The following IGFL2 variants were observed in gnomAD, a reference collection of about 807,000 sequenced individuals.
IGFL2 encodes the protein IGF like family member 2, also known as insulin growth factor-like family member 2.
Under a neutral mutation model 13.9 loss-of-function variants are expected in IGFL2, and 7 were observed. That is an observed-to-expected ratio of 0.51 (90% CI 0.29 to 0.95). The LOEUF (loss-of-function observed/expected upper bound fraction) is 0.95. IGFL2 is among the 40% of genes least tolerant of loss of function. The pLI is 0.08. For synonymous variants in IGFL2, 55 were observed against 55.8 expected (o/e 0.99, Z 0.07); for missense variants, 138 against 147.8 (o/e 0.93, Z 0.34).
the IGFL2 span, chr19:46,190,210 G>A: frequency 0.014 from 2,131 of 152,258 alleles, 54 homozygotes; most frequent in African/African-American, 0.047. Flanking sequence ...GACCTTGATG[G>A]GGGGGTTGCT....
the IGFL2 span, among the ~76,000 whole-genome samples, chr19:46,122,571 A>G: frequency 6.6e-6 from 1 of 150,986 alleles, no homozygotes; most frequent in Non-Finnish European, 1.5e-5. Flanking sequence ...TTTTTTGGTA[A>G]AGTTTACTGC....
In IGFL2 at chr19:46,148,688, C is replaced by G. The variant is rs973422152; in HGVS notation, c.19+391C>G. On this transcript the variant is annotated intron_variant, in intron 1 of 3. Transcript: ENST00000377693. Reference sequence around the variant, plus strand: ...ATCTTTATTTTTGAACTCCTGGGCTCAGACTCAGAAGGGACCATAGGTGAG... The same window carrying G: ...ATCTTTATTTTTGAACTCCTGGGCTGAGACTCAGAAGGGACCATAGGTGAG... 1.2e-4 allele frequency: 68 copies of G among 579,150 alleles called. 1 individual carries two copies. In the South Asian group the frequency reaches 1.5e-3, roughly 13 times the overall value. 35.9% of individuals were successfully genotyped at this position (579,150 alleles called of 1,614,324 possible). A position where few individuals can be genotyped will look rare whatever the true frequency, so the allele number is the denominator to read the frequency against.
chr19:46,097,261 G>T, the IGFL2 span, among the ~76,000 whole-genome samples: 4 of 152,180 alleles, frequency 2.6e-5, no homozygotes, highest in Admixed American at 6.5e-5. Flanking sequence ...TATGTGTCCA[G>T]AAATTTGTCC....
chr19:46,121,297 A>G, the IGFL2 span, among the ~76,000 whole-genome samples: 1 of 149,662 alleles, frequency 6.7e-6, no homozygotes, highest in East Asian at 2.0e-4. Flanking sequence ...CCGAGGTAGG[A>G]CGATCACTTG....
At chr19:46,187,940 G>A in the IGFL2 span, among the ~76,000 whole-genome samples, 3 of 150,296 alleles carry the variant, frequency 2.0e-5, 1 homozygote, top group Non-Finnish European at 4.5e-5. Context: ...ACCTGAGATC[G>A]TGTTGCTGGT....
upstream of IGFL2, among the ~76,000 whole-genome samples, chr19:46,142,840 A>T (rs1318371915): frequency 6.6e-6 from 1 of 152,212 alleles, no homozygotes; most frequent in Non-Finnish European, 1.5e-5. Flanking sequence ...CATGCACATT[A>T]TAACAGCTTT....
the IGFL2 span, among the ~76,000 whole-genome samples, chr19:46,193,813 G>A: frequency 2.0e-5 from 3 of 152,122 alleles, no homozygotes; most frequent in Admixed American, 6.5e-5. Context: ...AGCAGACACC[G>A]CTCTCGGGTC....
At chr19:46,164,238 CAG>C (rs1200630468), downstream of IGFL2, 6 of 150,434 alleles carry the variant, frequency 4.0e-5, no homozygotes, top group Non-Finnish European at 5.9e-5. Context: ...AGAACACAAA[CAG>C]GGGTGACTGT....
the IGFL2 span, among the ~76,000 whole-genome samples, chr19:46,089,630 G>A: frequency 9.9e-4 from 150 of 150,906 alleles, no homozygotes; most frequent in African/African-American, 3.5e-3. Flanking sequence ...ATCCTTTTAG[G>A]GTATAGTATT....
the IGFL2 span, among the ~76,000 whole-genome samples, chr19:46,195,431 A>G: frequency 6.6e-6 from 1 of 152,178 alleles, no homozygotes; most frequent in Non-Finnish European, 1.5e-5. Context: ...AAAAAATGTT[A>G]AATGTGCCCT....
At chr19:46,180,660 C>G in the IGFL2 span, 1 of 152,238 alleles carries the variant, frequency 6.6e-6, no homozygotes, top group South Asian at 2.1e-4. Context: ...AGCAAGGAAG[C>G]CAGCAGTGGC....
At chr19:46,108,891 G>T in the IGFL2 span, among the ~76,000 whole-genome samples, 1 of 152,228 alleles carries the variant, frequency 6.6e-6, no homozygotes, top group Non-Finnish European at 1.5e-5. Flanking sequence ...AGATTGAAGG[G>T]TGGAGCAACA....
At chr19:46,082,709 G>A in the IGFL2 span, among the ~76,000 whole-genome samples, 4 of 151,452 alleles carry the variant, frequency 2.6e-5, no homozygotes, top group Admixed American at 2.0e-4. Flanking sequence ...CTGCAGCCTT[G>A]ATCTTCTGGG....
At chr19:46,136,043 G>A in the IGFL2 span, among the ~76,000 whole-genome samples, 3 of 152,148 alleles carry the variant, frequency 2.0e-5, no homozygotes, top group Admixed American at 6.5e-5. Flanking sequence ...TATTGACCTT[G>A]GAGAATCTGA....
At chr19:46,190,984 A>G in the IGFL2 span, among the ~76,000 whole-genome samples, 2 of 152,112 alleles carry the variant, frequency 1.3e-5, no homozygotes, top group African/African-American at 2.4e-5. Flanking sequence ...ATCTCCCCTC[A>G]GGCCCCTCAG....
chr19:46,213,164 G>T, the IGFL2 span, among the ~76,000 whole-genome samples: 2 of 152,200 alleles, frequency 1.3e-5, no homozygotes, highest in Admixed American at 1.3e-4. Context: ...CTGTGTGAGT[G>T]GGGGAGGGCG....
At chr19:46,186,067 T>A in the IGFL2 span, among the ~76,000 whole-genome samples, 1 of 152,290 alleles carries the variant, frequency 6.6e-6, no homozygotes, top group East Asian at 1.9e-4. Flanking sequence ...AACCTCCTGT[T>A]CCAGCCAGGA....
the IGFL2 span, among the ~76,000 whole-genome samples, chr19:46,093,570 G>A: frequency 6.6e-6 from 1 of 152,082 alleles, no homozygotes; most frequent in African/African-American, 2.4e-5. Flanking sequence ...AGGCAAAAAC[G>A]CATGCAGATT....
chr19:46,096,199 G>T, the IGFL2 span, among the ~76,000 whole-genome samples: 2,775 of 152,192 alleles, frequency 0.018, 92 homozygotes, highest in African/African-American at 0.062. Flanking sequence ...ATTTCCTTGA[G>T]CAGTGGTTAG....
Sources: gnomAD v4.1 joint callset for allele counts (sites outside exome capture counted in the v4.1 genomes callset) on GRCh38, gnomAD v4.1.1 for gene constraint, MANE v1.5 for transcripts, NCBI Gene and HGNC (gene_info 2026-07-23, HGNC 2026-07-21) for gene names.